ARHGEF26: variants seen among roughly 807,000 people sequenced by gnomAD.
ARHGEF26 encodes Rho guanine nucleotide exchange factor 26, also known as Rho guanine nucleotide exchange factor (GEF) 26.
In ARHGEF26, 59 loss-of-function variants were observed where a neutral mutation model predicts 89.4. That is an observed-to-expected ratio of 0.66 (90% CI 0.54 to 0.82). The LOEUF (loss-of-function observed/expected upper bound fraction) is 0.82. Among genes scored for constraint, ARHGEF26 ranks in the 40% least tolerant of loss-of-function variants. The pLI, the probability that ARHGEF26 is intolerant of heterozygous loss-of-function variation, is 0.00. For synonymous variants in ARHGEF26, 500 were observed against 428.4 expected (o/e 1.17, Z -2.06); for missense variants, 1,234 against 1,085.6 (o/e 1.14, Z -1.92).
chr3:154,166,346 A>G (rs1425318553), intron 6 of ARHGEF26, among the ~76,000 whole-genome samples: 8 of 152,178 alleles, frequency 5.3e-5, no homozygotes, highest in Admixed American at 2.0e-4. Flanking sequence ...CACTGTGCCC[A>G]GCCAGTATTT....
intron 6 of ARHGEF26, 51 bp downstream of exon 6, chr3:154,152,983 T>TA (rs1259394345): frequency 1.4e-6 from 2 of 1,419,972 alleles, no homozygotes; most frequent in African/African-American, 2.9e-5. Context: ...TGCGTACTAA[T>TA]AAACACTTTG....
At chr3:154,242,057 CAA>C (rs1425278640) in intron 12 of ARHGEF26, among the ~76,000 whole-genome samples, 1 of 152,158 alleles carries the variant, frequency 6.6e-6, no homozygotes, top group African/African-American at 2.4e-5. Context: ...CATAAAATGT[CAA>C]ATTATTTCAT....
chr3:154,157,719 C>T (rs1380931573), intron 6 of ARHGEF26, among the ~76,000 whole-genome samples: 1 of 151,978 alleles, frequency 6.6e-6, no homozygotes, highest in African/African-American at 2.4e-5. Flanking sequence ...CAGGTTTCTA[C>T]CTGGTTGACT....
At chr3:154,253,220 G>A (rs1186585969) in intron 13 of ARHGEF26, 37 bp downstream of exon 13, 1 of 1,612,282 alleles carries the variant, frequency 6.2e-7, no homozygotes. Flanking sequence ...TTGGGAACAT[G>A]GATGGGCTCT....
intron 12 of ARHGEF26, among the ~76,000 whole-genome samples, chr3:154,247,743 A>G (rs73875332): frequency 0.011 from 1,733 of 152,106 alleles, 31 homozygotes; most frequent in African/African-American, 0.04. Context: ...TTGTTTTTCA[A>G]TTTTTTGCTA....
intron 4 of ARHGEF26, among the ~76,000 whole-genome samples, chr3:154,130,770 G>C (rs1189960130): frequency 2.6e-5 from 4 of 152,316 alleles, no homozygotes; most frequent in African/African-American, 9.6e-5. Context: ...TCAAAAACAA[G>C]CCAGTACACC....
chr3:154,129,778 G>A (rs1305659769), intron 4 of ARHGEF26, 59 bp downstream of exon 4: 2 of 1,537,938 alleles, frequency 1.3e-6, no homozygotes, highest in Non-Finnish European at 1.8e-6. Flanking sequence ...TGGAAATTAT[G>A]TGTGGATTTG....
chr3:154,189,077 G>T (rs1158000170), intron 7 of ARHGEF26, among the ~76,000 whole-genome samples: 1 of 152,032 alleles, frequency 6.6e-6, no homozygotes, highest in East Asian at 1.9e-4. Context: ...ACCACGCCCT[G>T]GTGGGAACCG....
intron 5 of ARHGEF26, among the ~76,000 whole-genome samples, chr3:154,152,207 TAAG>T (rs1720065224): frequency 1.3e-5 from 2 of 152,200 alleles, no homozygotes; most frequent in African/African-American, 4.8e-5. Context: ...CTGTGGTTGA[TAAG>T]AACCTTTTGA....
intron 9 of ARHGEF26, among the ~76,000 whole-genome samples, chr3:154,210,994 C>T (rs959646858): frequency 1.3e-5 from 2 of 151,552 alleles, no homozygotes; most frequent in African/African-American, 4.8e-5. Flanking sequence ...ACGGGGGCCT[C>T]ACAACAGTGA....
rs1718450623 is a variant in ARHGEF26 at position 154,255,611 on chromosome 3, G to C, written c.*138G>C. The C allele has an allele frequency of 4.1e-5, 59 of 1,450,824 alleles. 1 individual carries two copies. The highest frequency in any genetic ancestry group is 5.3e-5 in the Non-Finnish European group (59 of 1,106,688). 89.9% of individuals were successfully genotyped at this position (1,450,824 alleles called of 1,614,324 possible). On this transcript the variant is annotated 3_prime_UTR_variant, in exon 15 of 15. Transcript: ENST00000465093. ...AAAACACTTGCCTTTAAGCTTGCCAGGTTGTTCTGCTCTCTCATGAGAAGA... is the reference window on the plus strand; with the variant it reads ...AAAACACTTGCCTTTAAGCTTGCCACGTTGTTCTGCTCTCTCATGAGAAGA...
intron 6 of ARHGEF26, among the ~76,000 whole-genome samples, chr3:154,168,304 C>T (rs1017683012): frequency 2.0e-5 from 3 of 151,916 alleles, no homozygotes; most frequent in Admixed American, 2.0e-4. Flanking sequence ...AGGCTGTACA[C>T]GTTGGCTCAC....
intron 8 of ARHGEF26, among the ~76,000 whole-genome samples, chr3:154,192,388 A>G (rs1035197643): frequency 2.6e-5 from 4 of 152,226 alleles, no homozygotes; most frequent in Non-Finnish European, 4.4e-5. Context: ...GAAATTTTGA[A>G]ATGTGTAAAA....
In ARHGEF26 at chr3:154,122,399, C is replaced by G; in HGVS notation, c.407C>G (p.Pro136Arg). ...KSPANGAVTL[P>R]APPPPPVLRP... is the part of the protein sequence containing the mutation. ...CCAGCAAATGGCGCGGTGACCTTGCCTGCGCCGCCGCCGCCGCCGGTTCTG... is the reference window on the plus strand; with the variant it reads ...CCAGCAAATGGCGCGGTGACCTTGCGTGCGCCGCCGCCGCCGCCGGTTCTG... Residue 136 changes from proline (P) to arginine (R), a missense_variant, in exon 2 of 15, where the codon CCT (proline) becomes CGT (arginine). Transcript: ENST00000465093. 6.2e-7 allele frequency: 1 copy of G among 1,610,056 alleles called. No homozygotes were observed. The highest frequency in any genetic ancestry group is 1.1e-5 in the South Asian group (1 of 90,984).
chr3:154,148,379 T>C (rs1045300402), intron 4 of ARHGEF26, among the ~76,000 whole-genome samples: 3 of 152,218 alleles, frequency 2.0e-5, no homozygotes, highest in Non-Finnish European at 2.9e-5. Flanking sequence ...TAGTGAAAGA[T>C]TATAATTCTG....
Position 154,122,026 on chromosome 3 carries a change from A to G in ARHGEF26, c.34A>G (p.Asn12Asp), listed in dbSNP as rs761855865. The stretch of plus-strand genomic sequence containing the variant: ...CGAGAGCGAGGTGGATTTTTCTAGC[A>G]ACAGCATAACCCCTTTGTGGCGGAG... ...DGESEVDFSS[N>D]SITPLWRRRS... Residue 12 changes from asparagine (N) to aspartate (D), a missense_variant, in exon 2 of 15, where the codon AAC becomes GAC. Asn to Asp is a conservative substitution (Grantham distance 23). Transcript: ENST00000465093. The G allele has an allele frequency of 4.4e-6, 7 of 1,598,046 alleles. No homozygotes were observed. In the Admixed American group the frequency reaches 1.0e-4, roughly 23 times the overall value.
At chr3:154,159,231 G>C (rs1464299811) in intron 6 of ARHGEF26, among the ~76,000 whole-genome samples, 1 of 152,006 alleles carries the variant, frequency 6.6e-6, no homozygotes, top group South Asian at 2.1e-4. Flanking sequence ...AGAGTGTGCT[G>C]TTATTAGTAC....
chr3:154,157,219 C>T (rs1202518460), intron 6 of ARHGEF26, among the ~76,000 whole-genome samples: 1 of 152,118 alleles, frequency 6.6e-6, no homozygotes, highest in Non-Finnish European at 1.5e-5. Context: ...CTGCAAGGCT[C>T]CTAAGTTCCA....
intron 3 of ARHGEF26, among the ~76,000 whole-genome samples, chr3:154,126,016 T>G (rs1001590449): frequency 1.3e-5 from 2 of 152,166 alleles, no homozygotes; most frequent in African/African-American, 4.8e-5. Context: ...ATGAGGTTAA[T>G]AATACTGTTG....
Sources: gnomAD v4.1 joint callset for allele counts (sites outside exome capture counted in the v4.1 genomes callset) on GRCh38, gnomAD v4.1.1 for gene constraint, MANE v1.5 for transcripts, NCBI Gene and HGNC (gene_info 2026-07-23, HGNC 2026-07-21) for gene names.